SLC25A28: variants seen among roughly 807,000 people sequenced by gnomAD.
SLC25A28 encodes the protein solute carrier family 25 member 28, also known as mitoferrin-2.
SLC25A28 carries 10 observed loss-of-function variants against 31.9 expected under a neutral mutation model. That is an observed-to-expected ratio of 0.31 (90% CI 0.19 to 0.53). SLC25A28 has a LOEUF of 0.53. Ranked by LOEUF, SLC25A28 falls within the 20% of genes least tolerant of loss-of-function variation. SLC25A28 has a pLI of 0.95. For missense variants in SLC25A28, 256 were observed against 490.3 expected, an observed-to-expected ratio of 0.52 and a Z score of 4.51; for synonymous variants, 208 against 203.6, an observed-to-expected ratio of 1.02 and a Z score of -0.19.
At chr10:99,656,704 G>C in the SLC25A28 span, among the ~76,000 whole-genome samples, 1 of 152,198 alleles carries the variant, frequency 6.6e-6, no homozygotes, top group East Asian at 1.9e-4. Context: ...TTTGCTCAGG[G>C]CTGGGCATCA....
the SLC25A28 span, among the ~76,000 whole-genome samples, chr10:99,639,517 A>C: frequency 2.0e-5 from 3 of 152,080 alleles, no homozygotes; most frequent in African/African-American, 7.2e-5. Context: ...CCATTTTCTC[A>C]ATTTCAAGGA....
intron 1 of SLC25A28, chr10:99,615,998 A>C (rs2034644179): frequency 1.0e-6 from 1 of 985,316 alleles, no homozygotes; most frequent in African/African-American, 1.7e-5. Context: ...CAACAATTCT[A>C]ACTCGATAAA....
At chr10:99,650,187 T>C in the SLC25A28 span, among the ~76,000 whole-genome samples, 29 of 152,184 alleles carry the variant, frequency 1.9e-4, no homozygotes, top group Non-Finnish European at 4.0e-4. Context: ...AATTTCTTTC[T>C]CTCTTTTTCA....
the SLC25A28 span, among the ~76,000 whole-genome samples, chr10:99,642,848 G>A: frequency 6.6e-6 from 1 of 152,126 alleles, no homozygotes; most frequent in African/African-American, 2.4e-5. Context: ...CTTTGGTTCT[G>A]TTTATATGCT....
the SLC25A28 span, among the ~76,000 whole-genome samples, chr10:99,654,164 C>T: frequency 1.3e-5 from 2 of 152,134 alleles, no homozygotes; most frequent in African/African-American, 2.4e-5. Context: ...TATTAGTGAG[C>T]TTGGAAGCTG....
upstream of SLC25A28, among the ~76,000 whole-genome samples, chr10:99,623,672 C>T (rs2034831967): frequency 6.6e-6 from 1 of 152,178 alleles, no homozygotes; most frequent in African/African-American, 2.4e-5. Context: ...TGAAGATAGG[C>T]ATGGCCCTGG....
rs1435773290 is a variant in SLC25A28, at chr10:99,610,636, G to A, written c.*213C>T. Reference sequence around the variant, plus strand: ...GAGAGAGGTTATCAAAGGTGCTGTGGTGTGCTTTGCTGCACGTGCTTAGGG... The same window carrying A: ...GAGAGAGGTTATCAAAGGTGCTGTGATGTGCTTTGCTGCACGTGCTTAGGG... On this transcript the variant is annotated 3_prime_UTR_variant, in exon 4 of 4. Transcript: ENST00000370495. 3.4e-6 allele frequency: 2 copies of A among 591,686 alleles called. No homozygotes were observed. Among genetic ancestry groups the A allele is most frequent in the East Asian group, 5.7e-5 (2 of 35,024 alleles). The allele number at this position is 591,686 out of a possible 1,614,324, so 36.7% of individuals were successfully genotyped here. A position where few individuals can be genotyped will look rare whatever the true frequency, so the allele number is the denominator to read the frequency against.
chr10:99,614,463 C>T (rs1254517163), intron 1 of SLC25A28, among the ~76,000 whole-genome samples: 1 of 152,184 alleles, frequency 6.6e-6, no homozygotes, highest in Non-Finnish European at 1.5e-5. Flanking sequence ...ATTCTTAATA[C>T]ATGCTTTTAT....
chr10:99,657,387 T>C, the SLC25A28 span, among the ~76,000 whole-genome samples: 2 of 152,210 alleles, frequency 1.3e-5, no homozygotes, highest in Non-Finnish European at 1.5e-5. Flanking sequence ...AAATAACTGG[T>C]ATCTGTATAA....
At chr10:99,645,063 C>T in the SLC25A28 span, among the ~76,000 whole-genome samples, 36 of 152,170 alleles carry the variant, frequency 2.4e-4, no homozygotes, top group South Asian at 8.3e-4. Context: ...AGTATCTTTG[C>T]GGTGTTCTCT....
At chr10:99,624,928 C>T (rs1481108840), upstream of SLC25A28, among the ~76,000 whole-genome samples, 1 of 152,102 alleles carries the variant, frequency 6.6e-6, no homozygotes, top group East Asian at 1.9e-4. Context: ...GTACTATAGT[C>T]ATGTTTTCTT....
the SLC25A28 span, among the ~76,000 whole-genome samples, chr10:99,639,321 T>C: frequency 6.6e-6 from 1 of 151,648 alleles, no homozygotes. Flanking sequence ...ACAATAGATT[T>C]TGGGGACTTG....
At chr10:99,657,912 G>A in the SLC25A28 span, among the ~76,000 whole-genome samples, 1 of 152,114 alleles carries the variant, frequency 6.6e-6, no homozygotes, top group Non-Finnish European at 1.5e-5. Context: ...CTGGCCAGGT[G>A]CAGCTGCTCA....
At position 99,618,425 on chromosome 10, in the gene SLC25A28, C is replaced by T. The variant is rs1461190477; in HGVS notation, c.291+1620G>A. 4.1e-6 allele frequency: 4 copies of T among 985,342 alleles called. No individual in the cohort carries two copies. In the African/African-American group the frequency reaches 7.0e-5, roughly 17 times the overall value. 61.0% of individuals were successfully genotyped at this position (985,342 alleles called of 1,614,324 possible). A position where few individuals can be genotyped will look rare whatever the true frequency, so the allele number is the denominator to read the frequency against. Reference sequence around the variant, plus strand: ...GAAAAACAGCATCCTAAACCCTGCACTCTACTCACAGTCTAAGTCTAGGGA... The same window carrying T: ...GAAAAACAGCATCCTAAACCCTGCATTCTACTCACAGTCTAAGTCTAGGGA... On this transcript the variant is annotated intron_variant, in intron 1 of 3. Coordinates refer to ENST00000370495, the MANE Select transcript of SLC25A28 (RefSeq NM_031212.4).
intron 1 of SLC25A28, chr10:99,616,354 A>T (rs2034654551): frequency 2.5e-6 from 2 of 796,652 alleles, no homozygotes; most frequent in African/African-American, 1.9e-5. Context: ...TGACTGGCTC[A>T]CAGGGCTGTT....
At chr10:99,620,520 T>C (rs1238243078), upstream of SLC25A28, 3 of 1,036,320 alleles carry the variant, frequency 2.9e-6, no homozygotes, top group South Asian at 4.6e-5. Flanking sequence ...GACCCACCCC[T>C]TTCCTTACGT....
At chr10:99,635,020 C>G in the SLC25A28 span, among the ~76,000 whole-genome samples, 1 of 152,080 alleles carries the variant, frequency 6.6e-6, no homozygotes, top group African/African-American at 2.4e-5. Context: ...AATTATCAGC[C>G]AAAAAATTTT....
the SLC25A28 span, among the ~76,000 whole-genome samples, chr10:99,647,375 C>G: frequency 7.2e-5 from 11 of 152,166 alleles, no homozygotes; most frequent in Non-Finnish European, 1.2e-4. Context: ...AAGATGGTAT[C>G]TCATTGTGGT....
intron 1 of SLC25A28, chr10:99,616,585 T>C (rs1182661409): frequency 3.0e-6 from 3 of 985,412 alleles, no homozygotes; most frequent in Non-Finnish European, 3.6e-6. Flanking sequence ...TTTGTATTTT[T>C]TGTTTTCCTT....
Sources: gnomAD v4.1 joint callset for allele counts (sites outside exome capture counted in the v4.1 genomes callset) on GRCh38, gnomAD v4.1.1 for gene constraint, MANE v1.5 for transcripts, NCBI Gene and HGNC (gene_info 2026-07-23, HGNC 2026-07-21) for gene names.